The following RPS21 variants were observed in gnomAD, a reference collection of about 807,000 sequenced individuals.
RPS21 encodes ribosomal protein S21.
RPS21 carries 6 observed loss-of-function variants against 14.5 expected under a neutral mutation model. The observed-to-expected ratio is 0.41, with a 90% CI of 0.23 to 0.82. RPS21 has a LOEUF of 0.82. Among genes scored for constraint, RPS21 ranks in the 40% least tolerant of loss-of-function variants. The pLI, the probability that RPS21 is intolerant of heterozygous loss-of-function variation, is 0.31. For missense variants in RPS21, 85 were observed against 115.0 expected (o/e 0.74, Z 1.19); for synonymous variants, 61 against 42.6 (o/e 1.43, Z -1.69).
chr20:62,387,295 C>T (rs2146413313), intron 1 of RPS21, 26 bp from the exon 2 acceptor site: 1 of 1,557,510 alleles, frequency 6.4e-7, no homozygotes, highest in East Asian at 2.4e-5. Context: ...CGGCCGTACT[C>T]ACGGCGCCGC....
Position 62,387,114 on chromosome 20 carries a change from C to G in RPS21, c.-41C>G, listed in dbSNP as rs1202256274. 12 of 471,988 alleles carry G rather than the reference C, an allele frequency of 2.5e-5. No homozygotes were observed. Among genetic ancestry groups the G allele is most frequent in the Non-Finnish European group, 4.1e-5 (11 of 269,742 alleles). 29.2% of individuals were successfully genotyped at this position (471,988 alleles called of 1,614,324 possible). ...GTGACTAGCTGCTTCCTTTCTCTCTCGCGCGCGGTGTGGTGGCAGCAGGTG... is the reference window on the plus strand; with the variant it reads ...GTGACTAGCTGCTTCCTTTCTCTCTGGCGCGCGGTGTGGTGGCAGCAGGTG... On this transcript the variant is annotated 5_prime_UTR_variant, in exon 1 of 6. Coordinates refer to ENST00000343986, the MANE Select transcript of RPS21 (RefSeq NM_001024.4).
intron 4 of RPS21, 87 bp downstream of exon 4, chr20:62,388,001 G>T (rs1429191262): frequency 3.7e-6 from 6 of 1,612,352 alleles, no homozygotes; most frequent in Non-Finnish European, 5.1e-6. Flanking sequence ...TGCCTGAGTA[G>T]ATCTGCTGGC....
Position 62,387,189 on chromosome 20 carries a change from G to A in RPS21, c.-19+53G>A, listed in dbSNP as rs565945901. On this transcript the variant is annotated intron_variant, in intron 1 of 5. Coordinates refer to ENST00000343986, the MANE Select transcript of RPS21 (RefSeq NM_001024.4). ...TCAGGGCTGGGGCTGGGGCGGGAGT[G>A]GGGGCTTGGACGCGGGGGACGGGGT... is the stretch of plus-strand genomic sequence containing the variant. 12 of 627,594 alleles carry A rather than the reference G, an allele frequency of 1.9e-5. No individual in the cohort carries two copies. In the South Asian group the frequency reaches 2.0e-4, roughly 11 times the overall value. 38.9% of individuals were successfully genotyped at this position (627,594 alleles called of 1,614,324 possible).
rs972475308 is a variant in RPS21, at chr20:62,387,103, C to A, written c.-52C>A. ...ATCTCTGCCGGGTGACTAGCTGCTT[C>A]CTTTCTCTCTCGCGCGCGGTGTGGT... On this transcript the variant is annotated 5_prime_UTR_variant, in exon 1 of 6. Transcript: ENST00000343986. The A allele has an allele frequency of 2.1e-6, 1 of 468,912 alleles. No individual in the cohort carries two copies. 29.0% of individuals were successfully genotyped at this position (468,912 alleles called of 1,614,324 possible). A position where few individuals can be genotyped will look rare whatever the true frequency, so the allele number is the denominator to read the frequency against.
Position 62,388,444 on chromosome 20 carries a change from C to A in RPS21, c.243-13C>A. ...GGCGTGGTCTTAACGTTGTCCTTTT[C>A]CCCTGGTTCTAGGAACTTTTGACTG... On this transcript the variant is annotated splice_polypyrimidine_tract_variant and intron_variant, in intron 5 of 5. Transcript: ENST00000343986. The A allele has an allele frequency of 6.2e-7, 1 of 1,613,786 alleles. No homozygotes were observed. Among genetic ancestry groups the A allele is most frequent in the East Asian group, 2.2e-5 (1 of 44,880 alleles).
chr20:62,388,083 G>A lies in RPS21; in HGVS notation c.186+169G>A, dbSNP rs913136019. 3.2e-6 allele frequency: 5 copies of A among 1,544,732 alleles called. No individual in the cohort carries two copies. The Admixed American group carries it at 7.9e-5, about 24-fold the overall frequency. ...TGAGGGTGGAAGAGGGGTGCTCTGA[G>A]AAGACACTCAGGCAGCAGACTCTGC... On this transcript the variant is annotated intron_variant, in intron 4 of 5. Coordinates refer to ENST00000343986, the MANE Select transcript of RPS21 (RefSeq NM_001024.4).
At chr20:62,387,427 A>G in intron 2 of RPS21, 39 bp downstream of exon 2, 2 of 1,605,444 alleles carry the variant, frequency 1.2e-6, no homozygotes, top group South Asian at 1.1e-5. Context: ...GTCCTTACCT[A>G]ACCACCACGT....
Position 62,388,388 on chromosome 20 carries a change from G to C in RPS21, c.242+24G>C. 1.2e-6 allele frequency: 2 copies of C among 1,610,234 alleles called. 1 individual carries two copies. Among genetic ancestry groups the C allele is most frequent in the Non-Finnish European group, 1.7e-6 (2 of 1,178,894 alleles). Reference sequence around the variant, plus strand: ...AAGTAAGGTTGGGGGCTCACATTTGGGCAGAGTGAGTGGACTAGGACTGCT... The same window carrying C: ...AAGTAAGGTTGGGGGCTCACATTTGCGCAGAGTGAGTGGACTAGGACTGCT... On this transcript the variant is annotated intron_variant, in intron 5 of 5. Transcript: ENST00000343986.
At position 62,387,112 on chromosome 20, in the gene RPS21, C is replaced by T; in HGVS notation, c.-43C>T. The T allele has an allele frequency of 2.1e-6, 1 of 472,148 alleles. No individual in the cohort carries two copies. The highest frequency in any genetic ancestry group is 3.7e-6 in the Non-Finnish European group (1 of 269,684). The allele number at this position is 472,148 out of a possible 1,614,324, so 29.2% of individuals were successfully genotyped here. A position where few individuals can be genotyped will look rare whatever the true frequency, so the allele number is the denominator to read the frequency against. ...GGGTGACTAGCTGCTTCCTTTCTCTCTCGCGCGCGGTGTGGTGGCAGCAGG... is the reference window on the plus strand; with the variant it reads ...GGGTGACTAGCTGCTTCCTTTCTCTTTCGCGCGCGGTGTGGTGGCAGCAGG... On this transcript the variant is annotated 5_prime_UTR_variant, in exon 1 of 6. Transcript: ENST00000343986.
At chr20:62,387,974 A>G (rs1987800204) in intron 4 of RPS21, 60 bp downstream of exon 4, 2 of 1,614,116 alleles carry the variant, frequency 1.2e-6, no homozygotes, top group East Asian at 2.2e-5. Context: ...TACCGTGCGC[A>G]TTGGAGTGTG....
Position 62,387,562 on chromosome 20 carries a change from C to G in RPS21, c.51-49C>G, listed in dbSNP as rs781252312. On this transcript the variant is annotated intron_variant, in intron 2 of 5. Transcript: ENST00000343986. ...CCCCAACCTCCCTCGTCCCCTCTTT[C>G]ATTCTTACCGCCCAAGTCCCCTCTG... 1.0e-5 allele frequency: 16 copies of G among 1,595,868 alleles called. No individual in the cohort carries two copies. In the African/African-American group the frequency reaches 2.0e-4, roughly 20 times the overall value.
intron 4 of RPS21, 103 bp from the exon 5 acceptor site, chr20:62,388,206 G>A (rs1268016360): frequency 3.4e-6 from 5 of 1,464,084 alleles, no homozygotes; most frequent in Admixed American, 5.0e-5. Flanking sequence ...GTCTCCATTC[G>A]CTCAGCGGGG....
At position 62,387,401 on chromosome 20, in the gene RPS21, C is replaced by T. The variant is rs377326512; in HGVS notation, c.50+13C>T. 6.2e-7 allele frequency: 1 copy of T among 1,608,154 alleles called. No homozygotes were observed. The highest frequency in any genetic ancestry group is 8.5e-7 in the Non-Finnish European group (1 of 1,177,380). Reference sequence around the variant, plus strand: ...TGCCGCGGAAATGGTAAGCGCCCCCCACATGCCTCTCTTCCGTCCTTACCT... The same window carrying T: ...TGCCGCGGAAATGGTAAGCGCCCCCTACATGCCTCTCTTCCGTCCTTACCT... On this transcript the variant is annotated intron_variant, in intron 2 of 5. Coordinates refer to ENST00000343986, the MANE Select transcript of RPS21 (RefSeq NM_001024.4).
rs770598711 is a variant in RPS21, at chr20:62,387,925, C to T, written c.186+11C>T. ...GCCATTCGTAGGATGGTGAGTGTTT[C>T]CCTGGGCTTTGCTCATCACTTCGGG... On this transcript the variant is annotated intron_variant, in intron 4 of 5. Transcript: ENST00000343986. 7 of 1,614,200 alleles carry T rather than the reference C, an allele frequency of 4.3e-6. No homozygotes were observed. Among genetic ancestry groups the T allele is most frequent in the South Asian group, 2.2e-5 (2 of 91,084 alleles).
intron 1 of RPS21, 91 bp from the exon 2 acceptor site, chr20:62,387,230 C>G: frequency 2.2e-6 from 2 of 904,146 alleles, no homozygotes; most frequent in Non-Finnish European, 3.4e-6. Context: ...GTGCTGGGTG[C>G]GGCTGGGGCC....
intron 2 of RPS21, 102 bp from the exon 3 acceptor site, chr20:62,387,509 C>G (rs913234932): frequency 6.3e-7 from 1 of 1,587,648 alleles, no homozygotes; most frequent in African/African-American, 1.3e-5. Flanking sequence ...TGTCCTGCCC[C>G]CGACGTTACT....
At chr20:62,388,390 CAG>C in intron 5 of RPS21, 26 bp downstream of exon 5, 2 of 1,609,298 alleles carry the variant, frequency 1.2e-6, no homozygotes, top group Non-Finnish European at 1.7e-6. Flanking sequence ...CACATTTGGG[CAG>C]AGTGAGTGGA....
Position 62,388,508 on chromosome 20 carries a change from T to C in RPS21, c.*42T>C. On this transcript the variant is annotated 3_prime_UTR_variant, in exon 6 of 6. Transcript: ENST00000343986. ...ATGTGGAATATTTGTCATAAATAAA[T>C]AATGAAAACCTACCTGTGCAGGTTC... The C allele has an allele frequency of 6.2e-7, 1 of 1,606,114 alleles. No homozygotes were observed. The highest frequency in any genetic ancestry group is 2.2e-5 in the East Asian group (1 of 44,844).
chr20:62,387,238 G>A (rs1987761855), intron 1 of RPS21, 83 bp from the exon 2 acceptor site: 4 of 1,024,056 alleles, frequency 3.9e-6, no homozygotes, highest in Non-Finnish European at 5.8e-6. Flanking sequence ...TGCGGCTGGG[G>A]CCGTGACCCT....
Sources: gnomAD v4.1 joint callset for allele counts on GRCh38, gnomAD v4.1.1 for gene constraint, MANE v1.5 for transcripts, NCBI Gene and HGNC (gene_info 2026-07-23, HGNC 2026-07-21) for gene names.